Variants in SPNS3 observed in about 807,000 individuals in gnomAD.
The protein encoded by SPNS3 is protein spinster homolog 3.
SPNS3 carries 51 observed loss-of-function variants against 54.4 expected under a neutral mutation model. The ratio of observed to expected loss-of-function variants is 0.94; its 90% CI spans 0.75 to 1.18. The LOEUF (loss-of-function observed/expected upper bound fraction) is 1.18. Ranked by LOEUF, SPNS3 falls within the 50% of genes most tolerant of loss-of-function variation. The pLI, the probability that SPNS3 is intolerant of heterozygous loss-of-function variation, is 0.00. For synonymous variants in SPNS3, 309 were observed against 294.7 expected, an observed-to-expected ratio of 1.05 and a Z score of -0.50; for missense variants, 669 against 677.4, an observed-to-expected ratio of 0.99 and a Z score of 0.14.
intron 1 of SPNS3, among the ~76,000 whole-genome samples, chr17:4,435,670 G>A (rs989915947): frequency 8.6e-5 from 13 of 151,944 alleles, no homozygotes; most frequent in African/African-American, 2.7e-4. Context: ...CAGGCTGCTC[G>A]CAAACCTCAC....
At chr17:4,458,621 C>CTTTTCTTT (rs777461884) in intron 8 of SPNS3, among the ~76,000 whole-genome samples, 1 of 114,942 alleles carries the variant, frequency 8.7e-6, no homozygotes, top group African/African-American at 3.1e-5. Context: ...TTCTTTCTTT[C>CTTTTCTTT]TTTCTTTCTT....
At chr17:4,458,866 C>T (rs1243432691) in intron 8 of SPNS3, among the ~76,000 whole-genome samples, 1 of 151,794 alleles carries the variant, frequency 6.6e-6, no homozygotes, top group African/African-American at 2.4e-5. Context: ...TCAAAAGCCT[C>T]GCATGGCTCC....
At chr17:4,467,793 G>A (rs1971723360) in intron 8 of SPNS3, among the ~76,000 whole-genome samples, 1 of 152,184 alleles carries the variant, frequency 6.6e-6, no homozygotes, top group Non-Finnish European at 1.5e-5. Flanking sequence ...AGCCTCCAGA[G>A]TAGCTGGGAT....
In SPNS3 at chr17:4,445,350, G is replaced by A. The variant is rs868718799; in HGVS notation, c.402+182G>A. 4.2e-4 allele frequency among the ~76,000 whole-genome samples: 64 copies of A among 151,318 alleles called. 1 individual carries two copies. Among genetic ancestry groups the A allele is most frequent in the Middle Eastern group, 3.5e-3 (1 of 288 alleles). ...GCACAGTCTCCAGTCTCCAGCCTGA[G>A]TCTGCACAGGGCAGAGCTGGTGGAC... is the stretch of plus-strand genomic sequence containing the variant. On this transcript the variant is annotated intron_variant, in intron 3 of 11. Transcript: ENST00000355530.
chr17:4,468,628 A>T (rs1050375724), intron 8 of SPNS3, among the ~76,000 whole-genome samples: 2 of 151,858 alleles, frequency 1.3e-5, no homozygotes, highest in African/African-American at 4.8e-5. Flanking sequence ...TTTTGGAGGG[A>T]GGGATTAGCA....
At chr17:4,461,617 G>C (rs1487493582) in intron 8 of SPNS3, among the ~76,000 whole-genome samples, 1 of 151,990 alleles carries the variant, frequency 6.6e-6, no homozygotes, top group Non-Finnish European at 1.5e-5. Context: ...GATGCGGTTT[G>C]AACCAGAGTG....
chr17:4,477,737 C>T (rs1597340951), intron 8 of SPNS3, among the ~76,000 whole-genome samples: 1 of 152,150 alleles, frequency 6.6e-6, no homozygotes, highest in East Asian at 1.9e-4. Flanking sequence ...CTCGGTTTGA[C>T]TGTCCGCATG....
At chr17:4,467,958 A>G (rs1171885543) in intron 8 of SPNS3, among the ~76,000 whole-genome samples, 4 of 152,196 alleles carry the variant, frequency 2.6e-5, no homozygotes, top group Non-Finnish European at 5.9e-5. Context: ...GGCATGGGCG[A>G]CGGCGCCTGG....
rs1342051674 is a variant in SPNS3, at chr17:4,439,122, T to C, written c.200-536T>C. On this transcript the variant is annotated intron_variant, in intron 1 of 11. Coordinates refer to ENST00000355530, the MANE Select transcript of SPNS3 (RefSeq NM_182538.5). ...GCCTTTGGGATGCTTCTTTCTTTCT[T>C]TTTCTTTCTTTTTTTTTTGAGATGG... Among the ~76,000 whole-genome samples the C allele has an allele frequency of 2.6e-5, 4 of 151,130 alleles. No individual in the cohort carries two copies. The East Asian group carries it at 7.7e-4, about 29-fold the overall frequency.
chr17:4,448,193 T>C lies in SPNS3; in HGVS notation c.660T>C (p.Leu220=), dbSNP rs1971050622. 2.5e-6 allele frequency: 4 copies of C among 1,604,058 alleles called. No homozygotes were observed. The highest frequency in any genetic ancestry group is 1.7e-6 in the Non-Finnish European group (2 of 1,175,672). Residue 220 remains leucine, a synonymous_variant, in exon 6 of 12, where the codon CTT becomes CTC. Coordinates refer to ENST00000355530, the MANE Select transcript of SPNS3 (RefSeq NM_182538.5). ...TGGAGGCCGTGGCCTTGATCCTGCT[T>C]ATCCTGCTGGTTCCAGACCCACCCC... The part of the protein sequence containing the change: ...PCLEAVALIL[L]ILLVPDPPRG...
At chr17:4,463,662 C>T (rs1383484454) in intron 8 of SPNS3, among the ~76,000 whole-genome samples, 1 of 149,248 alleles carries the variant, frequency 6.7e-6, no homozygotes, top group Admixed American at 6.7e-5. Flanking sequence ...TTGCTTGAAC[C>T]CGGGAGGTGG....
intron 3 of SPNS3, 149 bp downstream of exon 3, chr17:4,445,317 A>G: frequency 1.2e-6 from 1 of 802,158 alleles, no homozygotes; most frequent in Non-Finnish European, 1.9e-6. Context: ...CTGGGAGAGA[A>G]GGTGAGAGCA....
chr17:4,443,077 GT>G (rs143314084), intron 2 of SPNS3, among the ~76,000 whole-genome samples: 47,230 of 148,140 alleles, frequency 0.32, 7,771 homozygotes, highest in Middle Eastern at 0.45. Flanking sequence ...TTTGCTTTTT[GT>G]TTTTTTTTTT....
rs756864042 is a variant in SPNS3 at position 4,446,191 on chromosome 17, C to T, written c.546C>T (p.Pro182=). 181 of 1,609,314 alleles carry T rather than the reference C, an allele frequency of 1.1e-4. No individual in the cohort carries two copies. Among genetic ancestry groups the T allele is most frequent in the Non-Finnish European group, 1.4e-4 (168 of 1,176,626 alleles). The change falls in exon 4 of 12, where the codon CCC becomes CCT. Residue 182 remains proline, a synonymous_variant. Transcript: ENST00000355530. The part of the protein sequence containing the change: ...RVLAVFYIFI[P]VGSGLGYVLG... ...TGGCTGTCTTCTACATCTTTATCCCCGTTGGAAGGTTGGTATCACCCGTGG... is the reference window on the plus strand; with the variant it reads ...TGGCTGTCTTCTACATCTTTATCCCTGTTGGAAGGTTGGTATCACCCGTGG...
intron 7 of SPNS3, 55 bp downstream of exon 7, chr17:4,449,442 G>A: frequency 6.6e-7 from 1 of 1,520,218 alleles, no homozygotes; most frequent in Non-Finnish European, 8.7e-7. Flanking sequence ...CTCTTGCTGA[G>A]GAAGTTCTGA....
intron 4 of SPNS3, chr17:4,446,583 T>C: frequency 1.9e-6 from 1 of 530,974 alleles, no homozygotes. Flanking sequence ...CCCTGGCCTC[T>C]GACCCAGGTT....
chr17:4,436,264 T>C (rs1441189134), intron 1 of SPNS3, among the ~76,000 whole-genome samples: 2 of 152,036 alleles, frequency 1.3e-5, no homozygotes, highest in Non-Finnish European at 2.9e-5. Context: ...AGTTACCAGC[T>C]CAGCATGCCA....
At chr17:4,461,836 C>T (rs1368513009) in intron 8 of SPNS3, among the ~76,000 whole-genome samples, 1 of 152,018 alleles carries the variant, frequency 6.6e-6, no homozygotes, top group African/African-American at 2.4e-5. Flanking sequence ...GGAAGGTCAA[C>T]AGCTTGGTTT....
chr17:4,487,493 G>A (rs1033098615), intron 11 of SPNS3, among the ~76,000 whole-genome samples: 1 of 152,234 alleles, frequency 6.6e-6, no homozygotes, highest in African/African-American at 2.4e-5. Flanking sequence ...GGGAGCTGCT[G>A]TGGGGCTTCC....
Sources: allele counts gnomAD v4.1 joint callset (sites outside exome capture counted in the v4.1 genomes callset), GRCh38; gene constraint gnomAD v4.1.1; transcripts MANE v1.5; gene names NCBI Gene and HGNC (gene_info 2026-07-23, HGNC 2026-07-21).